Variants in DOK6 observed in about 807,000 individuals in gnomAD.
DOK6 encodes docking protein 6, also known as downstream of tyrosine kinase 6.
Under a neutral mutation model 44.0 loss-of-function variants are expected in DOK6, and 22 were observed. The ratio of observed to expected loss-of-function variants is 0.50; its 90% confidence interval spans 0.36 to 0.71. DOK6 has a LOEUF of 0.71. DOK6 is among the 30% of genes least tolerant of loss of function. The pLI is 0.00. For synonymous variants in DOK6, 166 were observed against 145.5 expected (o/e 1.14, Z -1.01); for missense variants, 340 against 416.4 (o/e 0.82, Z 1.60).
At chr18:69,820,255 C>A (rs895006411) in intron 7 of DOK6, among the ~76,000 whole-genome samples, 37 of 152,214 alleles carry the variant, frequency 2.4e-4, no homozygotes, top group African/African-American at 8.7e-4. Context: ...ACACTAATAC[C>A]CCAATCACAA....
intron 2 of DOK6, among the ~76,000 whole-genome samples, chr18:69,581,733 A>T (rs1983374022): frequency 6.6e-6 from 1 of 152,224 alleles, no homozygotes. Context: ...TCACTTTTCT[A>T]TACTTCCTAC....
At chr18:69,454,945 A>G (rs113016840) in intron 1 of DOK6, among the ~76,000 whole-genome samples, 35,783 of 132,516 alleles carry the variant, frequency 0.27, 5,483 homozygotes, top group East Asian at 0.4. Context: ...GCATTGGGAG[A>G]TATACCTAAG....
chr18:69,659,211 C>T (rs1985445863), intron 3 of DOK6, among the ~76,000 whole-genome samples: 1 of 152,218 alleles, frequency 6.6e-6, no homozygotes, highest in Non-Finnish European at 1.5e-5. Flanking sequence ...AGGATGCTGT[C>T]CTAGCTCTCT....
chr18:69,636,704 AG>A (rs1348935345), intron 3 of DOK6, among the ~76,000 whole-genome samples: 10 of 152,298 alleles, frequency 6.6e-5, no homozygotes, highest in African/African-American at 2.4e-4. Context: ...CTCTTCTTGC[AG>A]TTACTGTATC....
At chr18:69,526,699 T>A (rs1178889978) in intron 1 of DOK6, among the ~76,000 whole-genome samples, 1 of 152,204 alleles carries the variant, frequency 6.6e-6, no homozygotes, top group African/African-American at 2.4e-5. Context: ...AGAACATACT[T>A]AGTGTGATTT....
At chr18:69,462,364 A>G (rs1050256104) in intron 1 of DOK6, among the ~76,000 whole-genome samples, 4 of 151,972 alleles carry the variant, frequency 2.6e-5, no homozygotes, top group African/African-American at 7.2e-5. Flanking sequence ...TAAGTGTAGT[A>G]TATTTCTGTG....
At chr18:69,646,005 C>T (rs1037279515) in intron 3 of DOK6, among the ~76,000 whole-genome samples, 2 of 152,176 alleles carry the variant, frequency 1.3e-5, no homozygotes, top group African/African-American at 4.8e-5. Context: ...AGTCTTTTTA[C>T]CTGGGATCTA....
chr18:69,630,254 G>C (rs985592632), intron 3 of DOK6, among the ~76,000 whole-genome samples: 9 of 152,018 alleles, frequency 5.9e-5, no homozygotes. Context: ...CCTAACACTT[G>C]ACCATTTTAC....
chr18:69,698,345 G>GCCGTCTTCTGCTT (rs1986434288), intron 4 of DOK6, 59 bp from the exon 5 acceptor site: 3 of 1,452,478 alleles, frequency 2.1e-6, no homozygotes, highest in Admixed American at 2.1e-5. Context: ...AATATCGTAT[G>GCCGTCTTCTGCTT]GCCATAGACA....
intron 1 of DOK6, among the ~76,000 whole-genome samples, chr18:69,416,954 A>C (rs1419979371): frequency 1.3e-5 from 2 of 152,172 alleles, no homozygotes; most frequent in African/African-American, 4.8e-5. Context: ...TTATGGATAC[A>C]TAATAGTTGT....
At chr18:69,662,176 C>T (rs150868736) in intron 3 of DOK6, 1,616 of 152,324 alleles carry the variant, frequency 0.011, 35 homozygotes, top group African/African-American at 0.037. Context: ...GATGGGGTTT[C>T]GCCATGTTAG....
intron 1 of DOK6, among the ~76,000 whole-genome samples, chr18:69,436,326 A>T (rs1234465944): frequency 1.3e-5 from 2 of 150,830 alleles, no homozygotes; most frequent in African/African-American, 4.9e-5. Context: ...CTTGCCCCCT[A>T]CCCGCTGACA....
intron 3 of DOK6, chr18:69,661,549 G>T (rs1328551564): frequency 6.6e-6 from 1 of 152,196 alleles, no homozygotes. Flanking sequence ...TGTGAGAAAT[G>T]GTGGAGCCTC....
intron 7 of DOK6, among the ~76,000 whole-genome samples, chr18:69,787,896 T>G (rs1472007758): frequency 6.6e-6 from 1 of 152,358 alleles, no homozygotes; most frequent in African/African-American, 2.4e-5. Context: ...AGACTAAATA[T>G]ATATGCACTT....
At chr18:69,501,011 T>C (rs1055788265) in intron 1 of DOK6, among the ~76,000 whole-genome samples, 1 of 152,142 alleles carries the variant, frequency 6.6e-6, no homozygotes, top group African/African-American at 2.4e-5. Context: ...TTCTACTTTT[T>C]TTGAAAGAGA....
Position 69,749,856 on chromosome 18 carries a change from G to A in DOK6, c.739-7900G>A, listed in dbSNP as rs137916957. Among the ~76,000 whole-genome samples, 1,452 of 151,068 alleles carry A rather than the reference G, an allele frequency of 9.6e-3. 65 individuals are homozygous for A. Among genetic ancestry groups the A allele is most frequent in the East Asian group, 0.085 (435 of 5,116 alleles). ...CTTGGGAGGCTGAGGCAGGAGAATT[G>A]CTTGAACCTGGGAGGCGAAGGTTGC... On this transcript the variant is annotated intron_variant, in intron 6 of 7. Transcript: ENST00000382713.
intron 1 of DOK6, among the ~76,000 whole-genome samples, chr18:69,473,750 C>G (rs1409706750): frequency 1.3e-5 from 2 of 152,156 alleles, no homozygotes; most frequent in Non-Finnish European, 1.5e-5. Context: ...CTTTCTCAAC[C>G]AAATAATCTA....
chr18:69,703,132 C>T (rs1986558429), intron 5 of DOK6, among the ~76,000 whole-genome samples: 2 of 151,846 alleles, frequency 1.3e-5, no homozygotes, highest in Admixed American at 6.6e-5. Context: ...GCACTAGGTT[C>T]CTAAACACTT....
At chr18:69,748,587 C>T (rs1235503860) in intron 6 of DOK6, among the ~76,000 whole-genome samples, 2 of 152,162 alleles carry the variant, frequency 1.3e-5, no homozygotes, top group African/African-American at 4.8e-5. Flanking sequence ...CACACAACTA[C>T]ATGGAAATTG....
Sources: gnomAD v4.1 joint callset for allele counts (sites outside exome capture counted in the v4.1 genomes callset) on GRCh38, gnomAD v4.1.1 for gene constraint, MANE v1.5 for transcripts, NCBI Gene and HGNC (gene_info 2026-07-23, HGNC 2026-07-21) for gene names.